Variants in MYLK observed in about 807,000 individuals in gnomAD.
MYLK encodes the protein myosin light chain kinase, smooth muscle.
Under a neutral mutation model 203.4 loss-of-function variants are expected in MYLK, and 106 were observed. The ratio of observed to expected loss-of-function variants is 0.52; its 90% CI spans 0.45 to 0.61. The LOEUF is 0.61. Ranked by LOEUF, MYLK falls within the 20% of genes least tolerant of loss-of-function variation. The pLI is 0.00. For missense variants in MYLK, 2,072 were observed against 2,442.3 expected, an observed-to-expected ratio of 0.85 and a Z score of 3.20; for synonymous variants, 867 against 959.5, an observed-to-expected ratio of 0.90 and a Z score of 1.78.
At chr3:123,679,093 G>A (rs1476114346) in intron 20 of MYLK, among the ~76,000 whole-genome samples, 1 of 152,066 alleles carries the variant, frequency 6.6e-6, no homozygotes, top group Non-Finnish European at 1.5e-5. Context: ...CGGATCACGA[G>A]GTCAAGAGAT....
At chr3:123,794,683 G>A (rs1485275766) in intron 3 of MYLK, among the ~76,000 whole-genome samples, 1 of 152,092 alleles carries the variant, frequency 6.6e-6, no homozygotes, top group Non-Finnish European at 1.5e-5. Flanking sequence ...CAGAACAAGG[G>A]GCTGACATGA....
chr3:123,852,815 G>A (rs2030967878), intron 2 of MYLK, among the ~76,000 whole-genome samples: 1 of 152,128 alleles, frequency 6.6e-6, no homozygotes, highest in Admixed American at 6.6e-5. Flanking sequence ...ACAAAGGTGA[G>A]CTAAAGAAGG....
At chr3:123,709,122 A>G (rs1038587387) in intron 14 of MYLK, 66 of 394,598 alleles carry the variant, frequency 1.7e-4, no homozygotes, top group Non-Finnish European at 9.5e-5. Context: ...AGATTTGGGA[A>G]GTTCTCACAT....
intron 4 of MYLK, among the ~76,000 whole-genome samples, chr3:123,787,484 T>G (rs1448791165): frequency 6.6e-6 from 1 of 152,140 alleles, no homozygotes; most frequent in Non-Finnish European, 1.5e-5. Flanking sequence ...GTGGTTCTCC[T>G]CAGGGGCACC....
At chr3:123,774,344 G>A (rs949976821) in intron 4 of MYLK, among the ~76,000 whole-genome samples, 1 of 152,090 alleles carries the variant, frequency 6.6e-6, no homozygotes, top group Non-Finnish European at 1.5e-5. Context: ...CAGTCCTCCG[G>A]AGGCAGTTAC....
At chr3:123,848,170 A>G (rs2030280555) in intron 2 of MYLK, among the ~76,000 whole-genome samples, 2 of 151,720 alleles carry the variant, frequency 1.3e-5, no homozygotes, top group South Asian at 2.1e-4. Flanking sequence ...TTTTCAGAGT[A>G]TAGGTTTTTG....
chr3:123,861,744 G>C (rs2031943596), intron 2 of MYLK, among the ~76,000 whole-genome samples: 1 of 152,148 alleles, frequency 6.6e-6, no homozygotes, highest in East Asian at 1.9e-4. Flanking sequence ...GCAGGTACTT[G>C]ACAAGTACTT....
At chr3:123,695,366 C>T (rs951380929) in intron 18 of MYLK, among the ~76,000 whole-genome samples, 1 of 152,376 alleles carries the variant, frequency 6.6e-6, no homozygotes, top group South Asian at 2.1e-4. Context: ...CACCAGCTCT[C>T]AGAGGGCAGT....
At chr3:123,820,608 T>C (rs926833927) in intron 3 of MYLK, among the ~76,000 whole-genome samples, 9 of 149,922 alleles carry the variant, frequency 6.0e-5, no homozygotes, top group Non-Finnish European at 1.0e-4. Flanking sequence ...TACCAGTGAT[T>C]GATTTCCTTC....
chr3:123,828,614 T>C (rs565020723), intron 3 of MYLK, among the ~76,000 whole-genome samples: 3 of 152,184 alleles, frequency 2.0e-5, no homozygotes, highest in East Asian at 3.9e-4. Flanking sequence ...TAGTATTATA[T>C]CAAATGAAAA....
At chr3:123,676,782 C>A (rs1045530850) in intron 20 of MYLK, among the ~76,000 whole-genome samples, 3 of 152,198 alleles carry the variant, frequency 2.0e-5, no homozygotes, top group Non-Finnish European at 4.4e-5. Flanking sequence ...TACTGAGAGA[C>A]CAGCTAATGA....
intron 23 of MYLK, among the ~76,000 whole-genome samples, chr3:123,663,503 G>A (rs1453531818): frequency 6.6e-6 from 1 of 152,160 alleles, no homozygotes. Flanking sequence ...GGTGGCTAGA[G>A]TGAGAGAGAA....
intron 28 of MYLK, chr3:123,638,687 G>A: frequency 3.3e-6 from 3 of 903,234 alleles, no homozygotes; most frequent in Non-Finnish European, 4.0e-6. Context: ...AGTGGTGGTC[G>A]GGACTCAAGC....
Position 123,707,756 on chromosome 3 carries a change from G to A in MYLK, c.2388C>T (p.Leu796=), listed in dbSNP as rs193007255. The part of the protein sequence containing the change: ...PWHAGQYEIL[L]KNRVGECSCQ... ...GCTGGCTGGACATGCAGACTCACTT[G>A]AGCAGGATCTCATACTGGCCGGCAT... is the stretch of plus-strand genomic sequence containing the variant. The change falls in exon 16 of 34, where the codon CTC becomes CTT. Residue 796 remains leucine, a splice_region_variant and synonymous_variant. Coordinates refer to ENST00000360304, the MANE Select transcript of MYLK (RefSeq NM_053025.4). The A allele has an allele frequency of 9.3e-4, 1,498 of 1,614,186 alleles. 33 individuals carry two copies. The South Asian group carries it at 0.015, about 16-fold the overall frequency.
chr3:123,857,239 C>T (rs1282367242), intron 2 of MYLK, among the ~76,000 whole-genome samples: 5 of 152,128 alleles, frequency 3.3e-5, no homozygotes, highest in Admixed American at 2.0e-4. Flanking sequence ...GTCAGTGTGG[C>T]GATTCCTCAA....
At chr3:123,705,969 T>G (rs2061446571) in intron 16 of MYLK, among the ~76,000 whole-genome samples, 2 of 152,196 alleles carry the variant, frequency 1.3e-5, no homozygotes, top group African/African-American at 4.8e-5. Context: ...GGGGTAAGCG[T>G]GTACCTTCTC....
chr3:123,831,294 T>TA (rs1305555692), intron 3 of MYLK: 50 of 1,102,954 alleles, frequency 4.5e-5, no homozygotes, highest in Non-Finnish European at 5.9e-5. Flanking sequence ...GTTTCCTGGC[T>TA]AGTTCCAATG....
chr3:123,792,710 C>G (rs1037797565), intron 4 of MYLK, among the ~76,000 whole-genome samples: 2 of 152,158 alleles, frequency 1.3e-5, no homozygotes, highest in Non-Finnish European at 2.9e-5. Context: ...GATAAGAGGA[C>G]AGAGGGAACC....
At chr3:123,675,072 T>C (rs547854418) in intron 20 of MYLK, among the ~76,000 whole-genome samples, 1 of 152,344 alleles carries the variant, frequency 6.6e-6, no homozygotes. Flanking sequence ...CCAAGGAACA[T>C]TCTCCCCCAG....
Sources: allele counts gnomAD v4.1 joint callset (sites outside exome capture counted in the v4.1 genomes callset), GRCh38; gene constraint gnomAD v4.1.1; transcripts MANE v1.5; gene names NCBI Gene and HGNC (gene_info 2026-07-23, HGNC 2026-07-21).